Variants in MYO3B observed in about 807,000 individuals in gnomAD.
MYO3B encodes myosin-IIIb.
Under a neutral mutation model 174.6 loss-of-function variants are expected in MYO3B, and 156 were observed. The ratio of observed to expected loss-of-function variants is 0.89; its 90% CI spans 0.78 to 1.02. The LOEUF (loss-of-function observed/expected upper bound fraction) is 1.02. MYO3B is among the 50% of genes least tolerant of loss of function. MYO3B has a pLI of 0.00. For synonymous variants in MYO3B, 563 were observed against 569.1 expected (o/e 0.99, Z 0.15); for missense variants, 1,632 against 1,639.4 (o/e 1.00, Z 0.08).
At chr2:170,365,223 C>T (rs955033917) in intron 8 of MYO3B, among the ~76,000 whole-genome samples, 135 of 152,298 alleles carry the variant, frequency 8.9e-4, no homozygotes, top group African/African-American at 2.9e-3. Context: ...TTGACCTCAT[C>T]ATTGCCAGGA....
At chr2:170,198,271 C>T (rs1262946853) in intron 1 of MYO3B, among the ~76,000 whole-genome samples, 1 of 152,186 alleles carries the variant, frequency 6.6e-6, no homozygotes, top group Non-Finnish European at 1.5e-5. Flanking sequence ...TAAGGGCAGT[C>T]CACCCAGCTA....
chr2:170,627,245 C>A (rs556436977), intron 32 of MYO3B, among the ~76,000 whole-genome samples: 1 of 152,030 alleles, frequency 6.6e-6, no homozygotes, highest in Non-Finnish European at 1.5e-5. Flanking sequence ...AGGCTTTGTT[C>A]GTTTCTTTTT....
intron 1 of MYO3B, among the ~76,000 whole-genome samples, chr2:170,195,046 C>T (rs1029969875): frequency 6.6e-6 from 1 of 151,946 alleles, no homozygotes; most frequent in African/African-American, 2.4e-5. Context: ...ATTAGATGGT[C>T]CCACCTAGAT....
intron 7 of MYO3B, among the ~76,000 whole-genome samples, chr2:170,295,811 G>A (rs1250070283): frequency 6.6e-6 from 1 of 151,976 alleles, no homozygotes. Flanking sequence ...TTTACTGTTG[G>A]AAAATAACTT....
At chr2:170,277,239 A>G (rs998236698) in intron 7 of MYO3B, among the ~76,000 whole-genome samples, 1 of 152,210 alleles carries the variant, frequency 6.6e-6, no homozygotes, top group African/African-American at 2.4e-5. Flanking sequence ...AATCTGTACT[A>G]GTGATTGTTA....
At chr2:170,422,337 A>T (rs1481449759) in intron 22 of MYO3B, among the ~76,000 whole-genome samples, 2 of 152,016 alleles carry the variant, frequency 1.3e-5, no homozygotes, top group Admixed American at 1.3e-4. Flanking sequence ...CAAGTAGTTG[A>T]GATCACAGGC....
intron 32 of MYO3B, among the ~76,000 whole-genome samples, chr2:170,550,544 T>G (rs764296122): frequency 4.7e-4 from 72 of 152,224 alleles, no homozygotes; most frequent in Non-Finnish European, 9.7e-4. Flanking sequence ...CAACATTGAA[T>G]CAGAGAAAGT....
chr2:170,244,621 G>T (rs1261668373), intron 7 of MYO3B, among the ~76,000 whole-genome samples: 4 of 152,174 alleles, frequency 2.6e-5, no homozygotes, highest in Non-Finnish European at 5.9e-5. Flanking sequence ...AGAGGGCAGA[G>T]CCTGCAGACT....
In MYO3B at chr2:170,333,044, G is replaced by A. The variant is rs186840264; in HGVS notation, c.750-2341G>A. ...ATGGTGAACTGCTTTGGGGGTGAAT[G>A]AAGTCTATTAGACAGTAGATTGCTT... On this transcript the variant is annotated intron_variant, in intron 7 of 34. Coordinates refer to ENST00000408978, the MANE Select transcript of MYO3B (RefSeq NM_138995.5). Among the ~76,000 whole-genome samples, 7 of 152,254 alleles carry A rather than the reference G, an allele frequency of 4.6e-5. No individual in the cohort carries two copies. The East Asian group carries it at 1.2e-3, about 25-fold the overall frequency.
At chr2:170,622,900 A>C (rs1696063596) in intron 32 of MYO3B, among the ~76,000 whole-genome samples, 1 of 152,004 alleles carries the variant, frequency 6.6e-6, no homozygotes, top group Admixed American at 6.6e-5. Context: ...AAGGACAGGA[A>C]CTCATCATTT....
intron 7 of MYO3B, among the ~76,000 whole-genome samples, chr2:170,325,947 G>A: frequency 6.6e-6 from 1 of 152,086 alleles, no homozygotes; most frequent in Middle Eastern, 3.2e-3. Context: ...AATCCAGGTA[G>A]GGAGAAGTCC....
chr2:170,257,784 C>T (rs1029300629), intron 7 of MYO3B, among the ~76,000 whole-genome samples: 1 of 151,922 alleles, frequency 6.6e-6, no homozygotes, highest in Non-Finnish European at 1.5e-5. Flanking sequence ...TGAAACCAAA[C>T]GTTGGTTATT....
chr2:170,288,826 G>A (rs2093575846), intron 7 of MYO3B, among the ~76,000 whole-genome samples: 2 of 151,824 alleles, frequency 1.3e-5, no homozygotes, highest in Admixed American at 1.3e-4. Context: ...AAGCTTTTTA[G>A]TACAATGTTA....
chr2:170,557,822 G>A (rs2106244240), intron 32 of MYO3B, among the ~76,000 whole-genome samples: 1 of 152,270 alleles, frequency 6.6e-6, no homozygotes, highest in South Asian at 2.1e-4. Context: ...GCAGCGAAGA[G>A]TCAGAAAAGA....
chr2:170,233,892 C>A (rs1309187559), intron 6 of MYO3B, among the ~76,000 whole-genome samples: 2 of 152,266 alleles, frequency 1.3e-5, no homozygotes, highest in East Asian at 3.9e-4. Context: ...CTGTTTCTGG[C>A]CGGGCGCGGT....
chr2:170,273,310 A>G (rs2093438740), intron 7 of MYO3B, among the ~76,000 whole-genome samples: 1 of 152,102 alleles, frequency 6.6e-6, no homozygotes. Flanking sequence ...ACTGGAGGCG[A>G]AACTAGGGAT....
At chr2:170,610,632 C>T (rs1004729039) in intron 32 of MYO3B, among the ~76,000 whole-genome samples, 19 of 152,182 alleles carry the variant, frequency 1.2e-4, no homozygotes, top group Non-Finnish European at 2.4e-4. Context: ...CCACTACATC[C>T]TGCTTGATGG....
chr2:170,227,304 G>C (rs535933856), intron 6 of MYO3B, among the ~76,000 whole-genome samples: 3 of 152,200 alleles, frequency 2.0e-5, no homozygotes, highest in South Asian at 2.1e-4. Flanking sequence ...AAGTGGGGGG[G>C]TACAGGGTCT....
chr2:170,204,631 G>C (rs973404211), intron 3 of MYO3B, among the ~76,000 whole-genome samples: 3 of 152,198 alleles, frequency 2.0e-5, no homozygotes, highest in African/African-American at 7.2e-5. Flanking sequence ...TTGGTTTGGA[G>C]CAAAATGCTC....
Sources: allele counts gnomAD v4.1 joint callset (sites outside exome capture counted in the v4.1 genomes callset), GRCh38; gene constraint gnomAD v4.1.1; transcripts MANE v1.5; gene names NCBI Gene and HGNC (gene_info 2026-07-23, HGNC 2026-07-21).